INTS1: variants seen among roughly 807,000 people sequenced by gnomAD.
INTS1 encodes the protein integrator complex subunit 1.
A neutral mutation model predicts 241.6 loss-of-function variants in INTS1; 137 were observed. The observed-to-expected ratio is 0.57, with a 90% CI of 0.49 to 0.65. The LOEUF (loss-of-function observed/expected upper bound fraction) is 0.65. Among genes scored for constraint, INTS1 ranks in the 30% least tolerant of loss-of-function variants. The pLI is 0.00. For synonymous variants in INTS1, 1,692 were observed against 1,337.8 expected, an observed-to-expected ratio of 1.26 and a Z score of -5.78; for missense variants, 3,073 against 3,032.2, an observed-to-expected ratio of 1.01 and a Z score of -0.32.
chr7:1,485,718 C>A (rs1206164192), intron 22 of INTS1, among the ~76,000 whole-genome samples: 1 of 152,264 alleles, frequency 6.6e-6, no homozygotes, highest in East Asian at 1.9e-4. Context: ...AGGCAGGCGG[C>A]AGGGTCCACC....
chr7:1,480,512 G>A (rs1781943970), intron 29 of INTS1, 71 bp from the exon 30 acceptor site: 2 of 1,522,644 alleles, frequency 1.3e-6, no homozygotes, highest in Non-Finnish European at 8.9e-7. Flanking sequence ...AACTGTACAA[G>A]CCATGGCGAG....
chr7:1,478,504 G>C lies in INTS1; in HGVS notation c.4492C>G (p.Arg1498Gly). The C allele has an allele frequency of 6.2e-7, 1 of 1,609,778 alleles. No homozygotes were observed. The highest frequency in any genetic ancestry group is 1.1e-5 in the South Asian group (1 of 90,648). Residue 1498 changes from arginine (R) to glycine (G), a missense_variant and splice_region_variant, in exon 33 of 48, where the codon CGA (arginine) becomes GGA (glycine). Arg to Gly is a moderately radical substitution (Grantham distance 125). Transcript: ENST00000404767. The stretch of plus-strand genomic sequence containing the variant: ...TCGGCCAGGCGCAGGAGCCCCCCTC[G>C]CACTGTGGGAGGTCTGTGTGAGTGC... ...ASAGRRLSDVRGGLLRLAEAL... is the reference protein window; with the variant it reads ...ASAGRRLSDVGGGLLRLAEAL...
At chr7:1,492,147 C>T (rs897740913) in intron 16 of INTS1, among the ~76,000 whole-genome samples, 15 of 152,120 alleles carry the variant, frequency 9.9e-5, no homozygotes, top group African/African-American at 3.1e-4. Context: ...TCAAGAGAAC[C>T]GAAGACACGG....
intron 12 of INTS1, 47 bp downstream of exon 12, chr7:1,496,109 A>C: frequency 6.7e-7 from 1 of 1,483,364 alleles, no homozygotes; most frequent in Non-Finnish European, 9.4e-7. Context: ...ACCAGCCTGG[A>C]CCCGAGACCC....
chr7:1,473,453 C>A, intron 42 of INTS1, 113 bp downstream of exon 42: 3 of 1,331,508 alleles, frequency 2.3e-6, no homozygotes, highest in Non-Finnish European at 3.1e-6. Context: ...CAGCCCTCCC[C>A]GGCCTCAGGA....
intron 3 of INTS1, among the ~76,000 whole-genome samples, chr7:1,501,944 C>CG (rs1309840136): frequency 1.3e-5 from 2 of 152,142 alleles, no homozygotes; most frequent in Non-Finnish European, 2.9e-5. Context: ...GCCCCGGTTT[C>CG]ATCGCCTGTG....
chr7:1,496,092 G>T, intron 12 of INTS1, 64 bp downstream of exon 12: 1 of 1,332,704 alleles, frequency 7.5e-7, no homozygotes, highest in East Asian at 2.3e-5. Context: ...TCGGAGAGCC[G>T]CCAGCCACCA....
intron 16 of INTS1, among the ~76,000 whole-genome samples, chr7:1,491,095 G>A (rs572685507): frequency 5.3e-4 from 80 of 152,330 alleles, no homozygotes; most frequent in African/African-American, 1.3e-3. Context: ...GACAGACTCC[G>A]GAGACTGATC....
chr7:1,477,774 T>A lies in INTS1; in HGVS notation c.4793A>T (p.Lys1598Met). Residue 1598 changes from lysine (K) to methionine (M), a missense_variant, in exon 34 of 48, where the codon AAG (lysine) becomes ATG (methionine). Coordinates refer to ENST00000404767, the MANE Select transcript of INTS1 (RefSeq NM_001080453.3). ...LQEEEPLAGGKPGADGGSLEA... is the reference protein window; with the variant it reads ...LQEEEPLAGGMPGADGGSLEA... ...TCACCTGCCACCGTCCGCACCCGGCTTCCCCCCAGCCAGGGGCTCCTCCTC... is the reference window on the plus strand; with the variant it reads ...TCACCTGCCACCGTCCGCACCCGGCATCCCCCCAGCCAGGGGCTCCTCCTC... 1 of 1,612,412 alleles carries A rather than the reference T, an allele frequency of 6.2e-7. No individual in the cohort carries two copies. The highest frequency in any genetic ancestry group is 8.5e-7 in the Non-Finnish European group (1 of 1,179,774).
intron 24 of INTS1, among the ~76,000 whole-genome samples, chr7:1,484,847 C>T (rs150366847): frequency 0.012 from 1,827 of 152,262 alleles, 37 homozygotes; most frequent in African/African-American, 0.04. Context: ...TGACGGCCCT[C>T]CCACCCTCAA....
At chr7:1,487,200 C>T in intron 20 of INTS1, 99 bp from the exon 21 acceptor site, 1 of 1,503,598 alleles carries the variant, frequency 6.7e-7, no homozygotes, top group Non-Finnish European at 9.0e-7. Flanking sequence ...CGACACGCAG[C>T]AGCCAGCTCA....
chr7:1,476,618 G>A lies in INTS1; in HGVS notation c.5103C>T (p.Cys1701=). The change falls in exon 37 of 48, where the codon TGC becomes TGT. Residue 1701 remains cysteine, a synonymous_variant. Transcript: ENST00000404767. ...CCTGCCAGATGCGAGGAACATGGATGCAGGCCCAGAGGAAGTCCAGAGAGG... is the reference window on the plus strand; with the variant it reads ...CCTGCCAGATGCGAGGAACATGGATACAGGCCCAGAGGAAGTCCAGAGAGG... The part of the protein sequence containing the change: ...PSASLDFLWA[C]IHVPRIWQGR... 9.3e-6 allele frequency: 15 copies of A among 1,612,662 alleles called. No homozygotes were observed. Among genetic ancestry groups the A allele is most frequent in the Non-Finnish European group, 1.3e-5 (15 of 1,179,876 alleles).
chr7:1,477,759 C>T lies in INTS1; in HGVS notation c.4808G>A (p.Gly1603Asp), dbSNP rs1001924549. ...GTGCAGCACCCCAGCTCACCTGCCA[C>T]CGTCCGCACCCGGCTTCCCCCCAGC... Reference protein sequence around the residue: ...PLAGGKPGADGGSLEAVRLGP... With the variant: ...PLAGGKPGADDGSLEAVRLGP... Residue 1603 changes from glycine to aspartate, a missense_variant, in exon 34 of 48, where the codon GGT becomes GAT. Coordinates refer to ENST00000404767, the MANE Select transcript of INTS1 (RefSeq NM_001080453.3). The T allele has an allele frequency of 3.7e-5, 59 of 1,612,162 alleles. 3 individuals carry two copies. In the Admixed American group the frequency reaches 7.8e-4, roughly 21 times the overall value.
intron 42 of INTS1, 88 bp downstream of exon 42, chr7:1,473,478 A>G: frequency 6.8e-7 from 1 of 1,467,232 alleles, no homozygotes; most frequent in Non-Finnish European, 9.2e-7. Flanking sequence ...CATATCTGAC[A>G]CGACACGGCC....
chr7:1,498,295 G>A (rs892868112), intron 10 of INTS1, 117 bp downstream of exon 10: 2 of 1,466,798 alleles, frequency 1.4e-6, no homozygotes, highest in Non-Finnish European at 1.8e-6. Context: ...CCGAGACCGA[G>A]GAGCATTCTC....
rs758467582 is a variant in INTS1 at position 1,502,935 on chromosome 7, C to T, written c.315G>A (p.Pro105=). ...GCACCACAGATGGCTCTTTAATCGA[C>T]GGAGAAATGGCTCGTTTTTCTGCCA... is the stretch of plus-strand genomic sequence containing the variant. The part of the protein sequence containing the change: ...AAVAEKRAIS[P]SIKEPSVVPI... Residue 105 remains proline, a synonymous_variant, in exon 3 of 48, where the codon CCG becomes CCA. Transcript: ENST00000404767. The T allele has an allele frequency of 2.9e-5, 46 of 1,613,734 alleles. No individual in the cohort carries two copies. Among genetic ancestry groups the T allele is most frequent in the Non-Finnish European group, 3.6e-5 (43 of 1,179,880 alleles).
intron 25 of INTS1, 50 bp downstream of exon 25, chr7:1,483,940 TGCAGCCTCACCCA>T: frequency 1.3e-6 from 2 of 1,587,974 alleles, no homozygotes; most frequent in Admixed American, 3.4e-5. Flanking sequence ...GAGCGTGCCG[TGCAGCCTCACCCA>T]GCCGTAGACC....
intron 31 of INTS1, 111 bp from the exon 32 acceptor site, chr7:1,478,996 C>T: frequency 1.6e-6 from 2 of 1,278,592 alleles, no homozygotes; most frequent in Non-Finnish European, 2.1e-6. Context: ...GCGACCGGCA[C>T]TTGGAGCCTG....
rs761508689 is a variant in INTS1 at position 1,499,639 on chromosome 7, G to A, written c.685-7C>T. 5.6e-5 allele frequency: 89 copies of A among 1,592,248 alleles called. No homozygotes were observed. In the Middle Eastern group the frequency reaches 6.7e-4, roughly 12 times the overall value. On this transcript the variant is annotated splice_polypyrimidine_tract_variant and splice_region_variant and intron_variant, in intron 5 of 47. Transcript: ENST00000404767. Reference sequence around the variant, plus strand: ...GGGAGTCCTCGATGTACACCTGTGTGGCAGCCACACCCTCAGCCCCGAGCC... The same window carrying A: ...GGGAGTCCTCGATGTACACCTGTGTAGCAGCCACACCCTCAGCCCCGAGCC...
Sources: allele counts gnomAD v4.1 joint callset (sites outside exome capture counted in the v4.1 genomes callset), GRCh38; gene constraint gnomAD v4.1.1; transcripts MANE v1.5; gene names NCBI Gene and HGNC (gene_info 2026-07-23, HGNC 2026-07-21).